KIAA0825: variants seen among roughly 807,000 people sequenced by gnomAD.
KIAA0825 encodes the protein KIAA0825, also known as uncharacterized protein KIAA0825.
A neutral mutation model predicts 147.6 loss-of-function variants in KIAA0825; 119 were observed. The ratio of observed to expected loss-of-function variants is 0.81; its 90% CI spans 0.69 to 0.94. The LOEUF (loss-of-function observed/expected upper bound fraction) is 0.94. Among genes scored for constraint, KIAA0825 ranks in the 40% least tolerant of loss-of-function variants. The pLI is 0.00. For synonymous variants in KIAA0825, 470 were observed against 518.1 expected (o/e 0.91, Z 1.26); for missense variants, 1,381 against 1,472.7 (o/e 0.94, Z 1.02).
intron 1 of KIAA0825, among the ~76,000 whole-genome samples, chr5:94,606,383 T>C (rs1173268202): frequency 2.0e-5 from 3 of 152,172 alleles, no homozygotes; most frequent in African/African-American, 7.2e-5. Context: ...AATGACATTC[T>C]TCACAGAACT....
intron 12 of KIAA0825, among the ~76,000 whole-genome samples, chr5:94,453,744 T>C (rs1277917379): frequency 6.6e-6 from 1 of 152,122 alleles, no homozygotes; most frequent in African/African-American, 2.4e-5. Flanking sequence ...GACAAAACGA[T>C]GAAGAATAGT....
At chr5:94,309,825 A>T (rs1779000677) in intron 20 of KIAA0825, among the ~76,000 whole-genome samples, 1 of 151,672 alleles carries the variant, frequency 6.6e-6, no homozygotes, top group Non-Finnish European at 1.5e-5. Flanking sequence ...CACACAGTAT[A>T]AATAACAGAG....
At chr5:94,236,367 A>G (rs999195808) in intron 20 of KIAA0825, among the ~76,000 whole-genome samples, 1 of 152,230 alleles carries the variant, frequency 6.6e-6, no homozygotes, top group Non-Finnish European at 1.5e-5. Flanking sequence ...AATTAAAAGC[A>G]GAGCCTGAAG....
At chr5:94,341,775 G>A (rs1782416876) in intron 20 of KIAA0825, among the ~76,000 whole-genome samples, 1 of 151,962 alleles carries the variant, frequency 6.6e-6, no homozygotes, top group African/African-American at 2.4e-5. Context: ...TATTTTCATT[G>A]TCACATTAAA....
At chr5:94,349,788 C>G (rs1278344638) in intron 20 of KIAA0825, among the ~76,000 whole-genome samples, 1 of 152,056 alleles carries the variant, frequency 6.6e-6, no homozygotes, top group East Asian at 1.9e-4. Context: ...AAAGGCAGTG[C>G]TAAGAGGAAA....
chr5:94,229,562 T>TTC (rs1454344612), intron 20 of KIAA0825, among the ~76,000 whole-genome samples: 2 of 151,776 alleles, frequency 1.3e-5, no homozygotes, highest in African/African-American at 4.8e-5. Flanking sequence ...ATATTTTCTG[T>TTC]TCTCTTTTTT....
intron 5 of KIAA0825, among the ~76,000 whole-genome samples, chr5:94,502,124 G>A (rs1006292302): frequency 6.6e-6 from 1 of 151,946 alleles, no homozygotes; most frequent in Non-Finnish European, 1.5e-5. Flanking sequence ...AGGATGGTAG[G>A]GTTAAGGGTA....
rs1224917975 is a variant in KIAA0825, at chr5:94,154,140, C to T, written c.3711-16G>A. On this transcript the variant is annotated splice_polypyrimidine_tract_variant and intron_variant, in intron 20 of 20. Coordinates refer to ENST00000682413, the MANE Select transcript of KIAA0825 (RefSeq NM_001145678.3). ...CATTTCCCACCTAAAAGAAAAATCA[C>T]ATCTTAGCATTTTTGTAACTTTCAA... The T allele has an allele frequency of 1.0e-5, 15 of 1,478,668 alleles. No homozygotes were observed. The highest frequency in any genetic ancestry group is 1.4e-5 in the African/African-American group (1 of 71,598). 91.6% of individuals were successfully genotyped at this position (1,478,668 alleles called of 1,614,324 possible).
chr5:94,573,195 A>G (rs932977154), intron 2 of KIAA0825, among the ~76,000 whole-genome samples: 3 of 152,034 alleles, frequency 2.0e-5, no homozygotes, highest in East Asian at 1.9e-4. Flanking sequence ...GAGTTTGTCT[A>G]AAGACCTGGG....
chr5:94,307,326 A>G (rs1778808013), intron 20 of KIAA0825, among the ~76,000 whole-genome samples: 1 of 151,676 alleles, frequency 6.6e-6, no homozygotes, highest in Non-Finnish European at 1.5e-5. Context: ...CCCTCACTTT[A>G]GTTTTGGCTG....
chr5:94,205,308 T>C (rs1041314222), intron 20 of KIAA0825, among the ~76,000 whole-genome samples: 2 of 145,732 alleles, frequency 1.4e-5, no homozygotes, highest in African/African-American at 2.5e-5. Context: ...TATTTTGTTT[T>C]GTTTTGTTTT....
In KIAA0825 at chr5:94,484,775, T is replaced by A; in HGVS notation, c.1126A>T (p.Thr376Ser). The change falls in exon 6 of 21, where the codon ACT becomes TCT. Residue 376 changes from threonine (T) to serine (S), a missense_variant. Thr to Ser is a moderately conservative substitution (Grantham distance 58). Coordinates refer to ENST00000682413, the MANE Select transcript of KIAA0825 (RefSeq NM_001145678.3). Reference sequence around the variant, plus strand: ...AAACAAAAGAGGATATTACCTGAAGTATCCCTGGTTATCTTGAGTGATAAA... The same window carrying A: ...AAACAAAAGAGGATATTACCTGAAGAATCCCTGGTTATCTTGAGTGATAAA... ...ILLSLKITRD[T>S]SGILEKSDRE... The A allele has an allele frequency of 6.8e-7, 1 of 1,474,432 alleles. No individual in the cohort carries two copies. The allele number at this position is 1,474,432 out of a possible 1,614,324, so 91.3% of individuals were successfully genotyped here.
At chr5:94,536,310 C>T (rs549055787) in intron 3 of KIAA0825, among the ~76,000 whole-genome samples, 1 of 152,282 alleles carries the variant, frequency 6.6e-6, no homozygotes, top group East Asian at 1.9e-4. Context: ...AAAAGAAATG[C>T]TATGTATCAT....
At chr5:94,160,047 G>C (rs1354061930) in intron 20 of KIAA0825, among the ~76,000 whole-genome samples, 1 of 152,160 alleles carries the variant, frequency 6.6e-6, no homozygotes, top group East Asian at 1.9e-4. Flanking sequence ...CTTGTTGTCT[G>C]TCTCTCCTCC....
chr5:94,509,622 A>G (rs575255015), intron 5 of KIAA0825, among the ~76,000 whole-genome samples: 6 of 152,340 alleles, frequency 3.9e-5, no homozygotes, highest in African/African-American at 1.4e-4. Flanking sequence ...AATAAAGACA[A>G]CATATGTCTC....
chr5:94,383,870 A>G (rs1748775015), intron 20 of KIAA0825, among the ~76,000 whole-genome samples: 1 of 151,720 alleles, frequency 6.6e-6, no homozygotes, highest in African/African-American at 2.4e-5. Context: ...TTAAGACAGT[A>G]CCAACATAAC....
intron 20 of KIAA0825, among the ~76,000 whole-genome samples, chr5:94,264,149 C>T (rs762909707): frequency 7.9e-5 from 12 of 152,120 alleles, no homozygotes; most frequent in Admixed American, 6.5e-4. Context: ...CATCTCTTAA[C>T]GTACAATCTT....
intron 20 of KIAA0825, among the ~76,000 whole-genome samples, chr5:94,295,829 G>T (rs1584033599): frequency 6.6e-6 from 1 of 152,196 alleles, no homozygotes; most frequent in East Asian, 1.9e-4. Flanking sequence ...CCTTATGCCA[G>T]CCAGAGCTCT....
In KIAA0825 at chr5:94,391,620, A is replaced by C. The variant is rs373480280; in HGVS notation, c.3371T>G (p.Ile1124Arg). The change falls in exon 18 of 21, where the codon ATA (isoleucine) becomes AGA (arginine). Residue 1124 changes from isoleucine (I) to arginine (R), a missense_variant. Transcript: ENST00000682413. ...DVALELTEQK[I>R]NTMVLDLCHK... ...GCAGAGATCCAGGACCATCGTGTTT[A>C]TTTTCTGCTCAGTCAGTTCAAGAGC... is the stretch of plus-strand genomic sequence containing the variant. The C allele has an allele frequency of 1.0e-5, 16 of 1,551,532 alleles. No individual in the cohort carries two copies. In the South Asian group the frequency reaches 1.9e-4, roughly 18 times the overall value.
Sources: gnomAD v4.1 joint callset for allele counts (sites outside exome capture counted in the v4.1 genomes callset) on GRCh38, gnomAD v4.1.1 for gene constraint, MANE v1.5 for transcripts, NCBI Gene and HGNC (gene_info 2026-07-23, HGNC 2026-07-21) for gene names.